TNRC18: variants seen among roughly 807,000 people sequenced by gnomAD.
TNRC18 encodes the protein trinucleotide repeat-containing gene 18 protein.
Under a neutral mutation model 226.7 loss-of-function variants are expected in TNRC18, and 69 were observed. That is an observed-to-expected ratio of 0.30 (90% CI 0.25 to 0.37). TNRC18 has a LOEUF of 0.37. TNRC18 is among the 10% of genes least tolerant of loss of function. TNRC18 has a pLI of 1.00. For synonymous variants in TNRC18, 2,449 were observed against 1,927.6 expected, an observed-to-expected ratio of 1.27 and a Z score of -7.09; for missense variants, 4,754 against 4,256.6, an observed-to-expected ratio of 1.12 and a Z score of -3.25.
chr7:5,321,319 G>A, intron 21 of TNRC18, 129 bp from the exon 22 acceptor site: 1 of 633,624 alleles, frequency 1.6e-6, no homozygotes, highest in South Asian at 1.8e-5. Context: ...GTGGGGCTGA[G>A]ACGTGTGCAC....
rs780692102 is a variant in TNRC18, at chr7:5,332,785, G to T, written c.5984C>A (p.Thr1995Lys). Residue 1995 changes from threonine to lysine, a missense_variant, in exon 19 of 30, where the codon ACG becomes AAG. Thr to Lys is a moderately conservative substitution (Grantham distance 78). Transcript: ENST00000430969. ...GAAGATGCGCTCGCTGCGGCGCCGC[G>T]TCCACAGGTCGTCGTCGCTGGCCTC... Reference protein sequence around the residue: ...GPEASDDDLWTRRRSERIFLH... With the variant: ...GPEASDDDLWKRRRSERIFLH... 6.6e-6 allele frequency: 10 copies of T among 1,513,748 alleles called. No homozygotes were observed. The highest frequency in any genetic ancestry group is 4.3e-5 in the African/African-American group (3 of 69,704). 93.8% of individuals were successfully genotyped at this position (1,513,748 alleles called of 1,614,324 possible). A position where few individuals can be genotyped will look rare whatever the true frequency, so the allele number is the denominator to read the frequency against.
chr7:5,359,503 G>T lies in TNRC18; in HGVS notation c.4728C>A (p.His1576Gln), dbSNP rs760725250. 7.4e-6 allele frequency: 12 copies of T among 1,613,862 alleles called. 1 individual carries two copies. In the East Asian group the frequency reaches 1.1e-4, roughly 15 times the overall value. The change falls in exon 15 of 30, where the codon CAC (histidine) becomes CAA (glutamine). Residue 1576 changes from histidine (H) to glutamine (Q), a missense_variant. Physicochemically the swap from His to Gln is conservative, Grantham distance 24. Transcript: ENST00000430969. Reference protein sequence around the residue: ...YELGAGIRKRHKGSEEEHDAL... With the variant: ...YELGAGIRKRQKGSEEEHDAL... ...CATCATGTTCCTCCTCAGACCCCTT[G>T]TGTCTCTTTCTTATCCCTGCTCCCA... is the stretch of plus-strand genomic sequence containing the variant.
chr7:5,330,294 A>T (rs113387913), intron 19 of TNRC18, among the ~76,000 whole-genome samples: 1 of 151,992 alleles, frequency 6.6e-6, no homozygotes, highest in African/African-American at 2.4e-5. Flanking sequence ...AGGCAGTATG[A>T]TCATAGCTCA....
At chr7:5,390,416 G>A (rs1446835947) in intron 4 of TNRC18, 69 bp downstream of exon 4, 2 of 1,521,776 alleles carry the variant, frequency 1.3e-6, no homozygotes, top group Non-Finnish European at 1.8e-6. Flanking sequence ...CTACCTGGAT[G>A]CTGCCAAAGG....
At chr7:5,350,346 C>A (rs902107318) in intron 17 of TNRC18, among the ~76,000 whole-genome samples, 1 of 150,934 alleles carries the variant, frequency 6.6e-6, no homozygotes, top group Non-Finnish European at 1.5e-5. Flanking sequence ...TCCTGGTCAC[C>A]CAAAAGGATC....
intron 11 of TNRC18, among the ~76,000 whole-genome samples, chr7:5,368,832 G>C (rs1040756749): frequency 1.3e-5 from 2 of 151,994 alleles, no homozygotes; most frequent in Admixed American, 1.3e-4. Context: ...GTGTTGCCCC[G>C]GCCCTTCCTC....
Position 5,377,340 on chromosome 7 carries a change from G to T in TNRC18, c.2461+31C>A. ...CGCCCCCTCCCACCCCTCCCTCAGAGAAGGGGAGAGACCCTGTGCCCCACA... is the reference window on the plus strand; with the variant it reads ...CGCCCCCTCCCACCCCTCCCTCAGATAAGGGGAGAGACCCTGTGCCCCACA... On this transcript the variant is annotated intron_variant, in intron 7 of 29. Coordinates refer to ENST00000430969, the MANE Select transcript of TNRC18 (RefSeq NM_001080495.3). This position sits in a 1 kb window ranked among gnomAD's most constrained non-coding sequence, Gnocchi z 5.8. 9.6e-7 allele frequency: 1 copy of T among 1,043,700 alleles called. No homozygotes were observed. The highest frequency in any genetic ancestry group is 1.4e-6 in the Non-Finnish European group (1 of 739,216). The allele number at this position is 1,043,700 out of a possible 1,614,324, so 64.7% of individuals were successfully genotyped here.
intron 2 of TNRC18, chr7:5,420,624 C>G (rs1782506703): frequency 2.2e-6 from 1 of 459,720 alleles, no homozygotes; most frequent in African/African-American, 2.0e-5. Flanking sequence ...GAGCTGGGAA[C>G]AGAACCCAGG....
intron 5 of TNRC18, among the ~76,000 whole-genome samples, chr7:5,385,702 G>A (rs1346888068): frequency 1.3e-5 from 2 of 149,898 alleles, no homozygotes; most frequent in Admixed American, 1.3e-4. Context: ...AGCCAAGCAT[G>A]GTGGCTCACA....
Position 5,370,768 on chromosome 7 carries a change from C to T in TNRC18, c.3826G>A (p.Glu1276Lys), listed in dbSNP as rs771424749. The change falls in exon 11 of 30, where the codon GAG (glutamate) becomes AAG (lysine). Residue 1276 changes from glutamate (E) to lysine (K), a missense_variant. By Grantham distance (56) the Glu-to-Lys change is moderately conservative. Coordinates refer to ENST00000430969, the MANE Select transcript of TNRC18 (RefSeq NM_001080495.3). ...VAVPVVEAVP[E>K]EGLAQVAPSE... is the part of the protein sequence containing the mutation. ...GGTGCCACCTGCGCCAGGCCTTCCTCGGGCACTGCCTCCACCACGGGCACC... is the reference window on the plus strand; with the variant it reads ...GGTGCCACCTGCGCCAGGCCTTCCTTGGGCACTGCCTCCACCACGGGCACC... 3.7e-6 allele frequency: 6 copies of T among 1,603,094 alleles called. No individual in the cohort carries two copies. Among genetic ancestry groups the T allele is most frequent in the African/African-American group, 2.7e-5 (2 of 74,612 alleles).
At chr7:5,396,737 T>C (rs10236222) in intron 2 of TNRC18, among the ~76,000 whole-genome samples, 54,985 of 151,890 alleles carry the variant, frequency 0.36, 11,546 homozygotes, top group Non-Finnish European at 0.47. Context: ...GGCCCTGTGT[T>C]GTGAGCACTG....
chr7:5,345,525 C>CCCCCCCCCCCCCCCCCCCCCCCCCCACCA, intron 18 of TNRC18, 37 bp downstream of exon 18: 1 of 217,344 alleles, frequency 4.6e-6, no homozygotes, highest in Non-Finnish European at 9.4e-6. Context: ...CCGCCCCTCC[C>CCCCCCCCCCCCCCCCCCCCCCCCCCACCA]ACCCACCCCC....
At chr7:5,413,918 T>C (rs552431901) in intron 2 of TNRC18, among the ~76,000 whole-genome samples, 2 of 152,318 alleles carry the variant, frequency 1.3e-5, no homozygotes, top group African/African-American at 2.4e-5. Context: ...TCCTATGACC[T>C]TCACCAGATC....
intron 11 of TNRC18, among the ~76,000 whole-genome samples, chr7:5,367,083 G>A (rs1793690908): frequency 6.6e-6 from 1 of 152,158 alleles, no homozygotes; most frequent in African/African-American, 2.4e-5. Context: ...GAGAATTCTG[G>A]GCTGGGTGCA....
chr7:5,404,355 A>T (rs1367034562), intron 2 of TNRC18, among the ~76,000 whole-genome samples: 1 of 152,116 alleles, frequency 6.6e-6, no homozygotes. Context: ...TGGGCGACAG[A>T]GCAAGACTCC....
At chr7:5,372,599 G>A (rs1430776789) in intron 10 of TNRC18, among the ~76,000 whole-genome samples, 1 of 151,416 alleles carries the variant, frequency 6.6e-6, no homozygotes, top group Non-Finnish European at 1.5e-5. Flanking sequence ...CCTGTAATCC[G>A]AGCTACTTCA....
rs1786733297 is a variant in TNRC18 at position 5,308,015 on chromosome 7, C to T, written c.*91G>A. On this transcript the variant is annotated 3_prime_UTR_variant, in exon 30 of 30. Transcript: ENST00000430969. ...ACGCCTGCAGGAGCGCTCGCATGCA[C>T]ACAACGCACGTGGTCTCCGCGCCAT... is the stretch of plus-strand genomic sequence containing the variant. 4 of 1,255,294 alleles carry T rather than the reference C, an allele frequency of 3.2e-6. No homozygotes were observed. The highest frequency in any genetic ancestry group is 2.2e-6 in the Non-Finnish European group (2 of 905,200). 77.8% of individuals were successfully genotyped at this position (1,255,294 alleles called of 1,614,324 possible).
chr7:5,399,376 T>A (rs989524742), intron 2 of TNRC18, among the ~76,000 whole-genome samples: 6 of 152,182 alleles, frequency 3.9e-5, no homozygotes, highest in Non-Finnish European at 8.8e-5. Context: ...CCAGTTATTA[T>A]CTCACCCGAC....
At chr7:5,368,952 C>T (rs964363744) in intron 11 of TNRC18, among the ~76,000 whole-genome samples, 1 of 152,044 alleles carries the variant, frequency 6.6e-6, no homozygotes, top group African/African-American at 2.4e-5. Flanking sequence ...TGAGAACTAC[C>T]CTCCCCCTTC....
Sources: gnomAD v4.1 joint callset for allele counts (sites outside exome capture counted in the v4.1 genomes callset) on GRCh38, gnomAD v4.1.1 for gene constraint, Gnocchi (gnomAD v3.1) non-coding constraint, MANE v1.5 for transcripts, NCBI Gene and HGNC (gene_info 2026-07-23, HGNC 2026-07-21) for gene names.